CSGALNACT1: variants seen among roughly 807,000 people sequenced by gnomAD.
The protein encoded by CSGALNACT1 is chondroitin sulfate N-acetylgalactosaminyltransferase 1.
Under a neutral mutation model 51.0 loss-of-function variants are expected in CSGALNACT1, and 52 were observed. The observed-to-expected ratio is 1.02, with a 90% confidence interval of 0.82 to 1.29. CSGALNACT1 has a LOEUF of 1.29. CSGALNACT1 is among the 50% of genes most tolerant of loss of function. The probability of loss-of-function intolerance (pLI) is 0.00; values close to 1 mark genes in which losing one functional copy is unlikely to be tolerated. For synonymous variants in CSGALNACT1, 341 were observed against 254.4 expected, an observed-to-expected ratio of 1.34 and a Z score of -3.24; for missense variants, 935 against 679.2, an observed-to-expected ratio of 1.38 and a Z score of -4.19.
chr8:19,726,602 C>T (rs900201605), intron 1 of CSGALNACT1, among the ~76,000 whole-genome samples: 1 of 152,098 alleles, frequency 6.6e-6, no homozygotes, highest in Non-Finnish European at 1.5e-5. Flanking sequence ...TTAAGATCTA[C>T]TCTCTCAGCA....
chr8:19,711,372 G>C (rs1316925993), intron 1 of CSGALNACT1, among the ~76,000 whole-genome samples: 1 of 152,140 alleles, frequency 6.6e-6, no homozygotes, highest in Non-Finnish European at 1.5e-5. Context: ...CAAAGGAAGA[G>C]AGTGTAACAA....
At chr8:19,482,091 T>A (rs565662220) in intron 4 of CSGALNACT1, among the ~76,000 whole-genome samples, 2 of 152,222 alleles carry the variant, frequency 1.3e-5, no homozygotes, top group Non-Finnish European at 2.9e-5. Flanking sequence ...CTCCTGAGTA[T>A]ACACACTAGA....
At chr8:19,645,305 G>A (rs2057159685) in intron 1 of CSGALNACT1, among the ~76,000 whole-genome samples, 1 of 152,194 alleles carries the variant, frequency 6.6e-6, no homozygotes, top group African/African-American at 2.4e-5. Context: ...GTGGGACATA[G>A]CCAAGACATC....
chr8:19,442,843 T>C (rs551249841), intron 5 of CSGALNACT1, among the ~76,000 whole-genome samples: 5 of 152,268 alleles, frequency 3.3e-5, no homozygotes, highest in African/African-American at 9.6e-5. Flanking sequence ...AAAGACTGAA[T>C]GAGCAAAGGT....
intron 1 of CSGALNACT1, among the ~76,000 whole-genome samples, chr8:19,657,375 G>C (rs906242828): frequency 2.6e-5 from 4 of 152,012 alleles, no homozygotes; most frequent in African/African-American, 9.7e-5. Context: ...AGGAAAGAAT[G>C]GATCAGAGGC....
intron 2 of CSGALNACT1, among the ~76,000 whole-genome samples, chr8:19,597,285 CTTTTTTTTTT>C (rs35177349): frequency 1.5e-5 from 1 of 64,528 alleles, no homozygotes; most frequent in African/African-American, 7.0e-5. Context: ...TATCTTCTTT[CTTTTTTTTTT>C]TTTTTTTTTT....
chr8:19,601,754 T>G lies in CSGALNACT1; in HGVS notation c.-416+17A>C. 2.2e-6 allele frequency: 1 copy of G among 449,168 alleles called. No homozygotes were observed. Among genetic ancestry groups the G allele is most frequent in the South Asian group, 1.6e-5 (1 of 63,338 alleles). The allele number at this position is 449,168 out of a possible 1,614,324, so 27.8% of individuals were successfully genotyped here. ...ACCATGCAAAGGTTTGTTTCTTGAG[T>G]GAAAATGCTCACTTACCTGGGGGTT... On this transcript the variant is annotated intron_variant, in intron 2 of 9. Transcript: ENST00000454498.
At chr8:19,553,726 A>C (rs1243707464) in intron 3 of CSGALNACT1, among the ~76,000 whole-genome samples, 1 of 150,472 alleles carries the variant, frequency 6.6e-6, no homozygotes, top group Admixed American at 6.6e-5. Flanking sequence ...AGGGATTTTA[A>C]ATTTCAATGT....
intron 3 of CSGALNACT1, among the ~76,000 whole-genome samples, chr8:19,533,177 C>T (rs982769155): frequency 3.9e-5 from 6 of 152,112 alleles, no homozygotes; most frequent in African/African-American, 9.7e-5. Flanking sequence ...AGTGTGGTGA[C>T]GATGTCATAG....
chr8:19,508,568 A>G (rs1219148366), intron 3 of CSGALNACT1, among the ~76,000 whole-genome samples: 1 of 152,228 alleles, frequency 6.6e-6, no homozygotes, highest in African/African-American at 2.4e-5. Flanking sequence ...TGCTGTTTCT[A>G]ATGAAGTCTC....
Position 19,676,455 on chromosome 8 carries a change from A to C in CSGALNACT1, c.-544+6018T>G, listed in dbSNP as rs565531707. On this transcript the variant is annotated intron_variant, in intron 1 of 9. Coordinates refer to the CSGALNACT1 transcript ENST00000332246. ...TCCAAAATTCACGGAATCGTCTTGA[A>C]GCAGAATGGAGGTAACAGTCAAGAA... Among the ~76,000 whole-genome samples, 18 of 152,366 alleles carry C rather than the reference A, an allele frequency of 1.2e-4. No homozygotes were observed. In the South Asian group the frequency reaches 3.1e-3, roughly 26 times the overall value.
intron 1 of CSGALNACT1, among the ~76,000 whole-genome samples, chr8:19,725,738 C>G (rs1196898278): frequency 6.6e-6 from 1 of 152,066 alleles, no homozygotes; most frequent in East Asian, 1.9e-4. Flanking sequence ...TGGCCAAAGA[C>G]TTCACTTTTT....
chr8:19,476,218 A>AGT (rs2069581981), intron 4 of CSGALNACT1, among the ~76,000 whole-genome samples: 1 of 152,090 alleles, frequency 6.6e-6, no homozygotes, highest in Non-Finnish European at 1.5e-5. Flanking sequence ...AGCCAATTTG[A>AGT]GTGTACTCCC....
intron 5 of CSGALNACT1, among the ~76,000 whole-genome samples, chr8:19,447,861 C>T (rs188221075): frequency 6.6e-5 from 10 of 152,182 alleles, no homozygotes; most frequent in East Asian, 1.9e-4. Context: ...CTACAAAAAA[C>T]GTGAGGCTTT....
exon 7 of CSGALNACT1, chr8:19,420,439 G>T: frequency 6.2e-7 from 1 of 1,614,088 alleles, no homozygotes; most frequent in East Asian, 2.2e-5. Context: ...TTCCAGAAGC[G>T]GGCTCCAACA....
At chr8:19,690,537 A>G (rs1180237742) in intron 1 of CSGALNACT1, among the ~76,000 whole-genome samples, 1 of 152,240 alleles carries the variant, frequency 6.6e-6, no homozygotes, top group Non-Finnish European at 1.5e-5. Flanking sequence ...AAAATGACAA[A>G]ATAGAAAACA....
At chr8:19,702,563 C>T (rs2061939511) in intron 1 of CSGALNACT1, among the ~76,000 whole-genome samples, 1 of 152,082 alleles carries the variant, frequency 6.6e-6, no homozygotes, top group Non-Finnish European at 1.5e-5. Context: ...TGCATCTGCT[C>T]CCAGCCCTTT....
At chr8:19,498,450 T>C (rs1040358204) in intron 4 of CSGALNACT1, among the ~76,000 whole-genome samples, 4 of 152,188 alleles carry the variant, frequency 2.6e-5, no homozygotes, top group South Asian at 2.1e-4. Flanking sequence ...GCCATACTAA[T>C]GGGGAGGCAC....
chr8:19,590,144 C>CCCTAACCTG (rs1047425756), intron 3 of CSGALNACT1, among the ~76,000 whole-genome samples: 3 of 152,156 alleles, frequency 2.0e-5, no homozygotes, highest in African/African-American at 4.8e-5. Flanking sequence ...GTTATTTAAC[C>CCCTAACCTG]CCTAACCTGC....
Sources: gnomAD v4.1 joint callset for allele counts (sites outside exome capture counted in the v4.1 genomes callset) on GRCh38, gnomAD v4.1.1 for gene constraint, MANE v1.5 for transcripts, NCBI Gene and HGNC (gene_info 2026-07-23, HGNC 2026-07-21) for gene names.